CFAP54: variants seen among roughly 807,000 people sequenced by gnomAD.
CFAP54 encodes cilia and flagella associated protein 54.
CFAP54 carries 290 observed loss-of-function variants against 370.4 expected under a neutral mutation model. The observed-to-expected ratio is 0.78, with a 90% CI of 0.71 to 0.86. The LOEUF is 0.86. Among genes scored for constraint, CFAP54 ranks in the 40% least tolerant of loss-of-function variants. The probability of loss-of-function intolerance (pLI) is 0.00; values close to 1 mark genes in which losing one functional copy is unlikely to be tolerated. For synonymous variants in CFAP54, 1,206 were observed against 1,236.5 expected, an observed-to-expected ratio of 0.98 and a Z score of 0.52; for missense variants, 3,399 against 3,528.7, an observed-to-expected ratio of 0.96 and a Z score of 0.93.
chr12:96,732,299 T>G (rs1399663927), intron 50 of CFAP54, among the ~76,000 whole-genome samples: 1 of 152,060 alleles, frequency 6.6e-6, no homozygotes, highest in Non-Finnish European at 1.5e-5. Context: ...TACTGGCTAA[T>G]TTTTGTATTT....
At chr12:96,855,264 A>C (rs540961415) in intron 66 of CFAP54, among the ~76,000 whole-genome samples, 8 of 152,292 alleles carry the variant, frequency 5.3e-5, no homozygotes, top group African/African-American at 1.9e-4. Context: ...GGGTGGGGAC[A>C]CAGCCAAACC....
chr12:96,541,932 C>T (rs1013521370), intron 14 of CFAP54, among the ~76,000 whole-genome samples: 1 of 152,046 alleles, frequency 6.6e-6, no homozygotes, highest in Non-Finnish European at 1.5e-5. Context: ...TGTCTCAACC[C>T]CTTTCTCTTC....
chr12:96,523,175 T>C (rs1955339708), intron 8 of CFAP54, among the ~76,000 whole-genome samples: 1 of 152,150 alleles, frequency 6.6e-6, no homozygotes. Context: ...AGGTGAGCAG[T>C]TTCTTACAGA....
At chr12:96,775,859 G>A (rs568806157) in intron 60 of CFAP54, among the ~76,000 whole-genome samples, 154 of 152,156 alleles carry the variant, frequency 1.0e-3, no homozygotes, top group African/African-American at 3.6e-3. Flanking sequence ...ACATTTTCCT[G>A]CTACACATTT....
rs548946915 is a variant in CFAP54, at chr12:96,699,515, T to A, written c.6352-456T>A. 2.6e-5 allele frequency among the ~76,000 whole-genome samples: 4 copies of A among 152,298 alleles called. No homozygotes were observed. The East Asian group carries it at 7.7e-4, about 29-fold the overall frequency. On this transcript the variant is annotated intron_variant, in intron 45 of 67. Transcript: ENST00000524981. Reference sequence around the variant, plus strand: ...AAAGTTAAAAATAAAAGAAAATTAGTAGTTGTCTCTATGTTGATACATTGT... The same window carrying A: ...AAAGTTAAAAATAAAAGAAAATTAGAAGTTGTCTCTATGTTGATACATTGT...
Position 96,500,879 on chromosome 12 carries a change from G to T in CFAP54, c.363G>T (p.Leu121=), listed in dbSNP as rs1955018082. ...FNIWTKYAPR[L]PADYYNEKLL... ...TCTGGACTAAATACGCCCCCAGGCTGCCAGCAGACTATTACAACGAAAAGC... is the reference window on the plus strand; with the variant it reads ...TCTGGACTAAATACGCCCCCAGGCTTCCAGCAGACTATTACAACGAAAAGC... Residue 121 remains leucine, a synonymous_variant, in exon 2 of 68, where the codon CTG becomes CTT. Transcript: ENST00000524981. 1.3e-6 allele frequency: 2 copies of T among 1,535,634 alleles called. No individual in the cohort carries two copies. Among genetic ancestry groups the T allele is most frequent in the Non-Finnish European group, 1.7e-6 (2 of 1,146,694 alleles).
intron 3 of CFAP54, among the ~76,000 whole-genome samples, chr12:96,506,061 C>T (rs193104596): frequency 3.3e-5 from 5 of 152,150 alleles, no homozygotes; most frequent in East Asian, 3.9e-4. Flanking sequence ...CAATTCTGGC[C>T]GGGCGCGGTG....
chr12:96,724,629 T>C (rs1957806474), intron 50 of CFAP54, among the ~76,000 whole-genome samples: 1 of 152,162 alleles, frequency 6.6e-6, no homozygotes. Flanking sequence ...GTAGGTTGCC[T>C]GTTCACTCTG....
intron 63 of CFAP54, among the ~76,000 whole-genome samples, chr12:96,800,627 A>C (rs889878703): frequency 3.3e-5 from 5 of 152,222 alleles, no homozygotes; most frequent in African/African-American, 1.2e-4. Flanking sequence ...TGTTTGATTT[A>C]AATATGGGTG....
At chr12:96,737,647 A>T (rs1476413720) in intron 50 of CFAP54, among the ~76,000 whole-genome samples, 4 of 151,720 alleles carry the variant, frequency 2.6e-5, no homozygotes, top group Non-Finnish European at 5.9e-5. Flanking sequence ...CTGCCACTCT[A>T]CCCAGCTAAT....
intron 26 of CFAP54, among the ~76,000 whole-genome samples, chr12:96,614,760 A>G (rs1956397454): frequency 6.6e-6 from 1 of 152,248 alleles, no homozygotes; most frequent in Admixed American, 6.5e-5. Flanking sequence ...CCCATTCACA[A>G]TTGCTTCAAA....
intron 58 of CFAP54, among the ~76,000 whole-genome samples, chr12:96,758,204 G>C (rs571730748): frequency 1.2e-3 from 179 of 152,254 alleles, no homozygotes; most frequent in Non-Finnish European, 2.1e-3. Context: ...GGAAAGGTGG[G>C]AGGAAATGAG....
intron 25 of CFAP54, among the ~76,000 whole-genome samples, chr12:96,595,361 A>T (rs1592870379): frequency 6.6e-6 from 1 of 152,102 alleles, no homozygotes; most frequent in African/African-American, 2.4e-5. Context: ...CACCAGGGGG[A>T]AGAATCTTGG....
At chr12:96,567,321 C>T (rs1955873427) in intron 19 of CFAP54, among the ~76,000 whole-genome samples, 1 of 152,092 alleles carries the variant, frequency 6.6e-6, no homozygotes, top group Non-Finnish European at 1.5e-5. Context: ...AAGATGTGTT[C>T]ATAAGAAGTA....
intron 4 of CFAP54, among the ~76,000 whole-genome samples, chr12:96,511,424 T>G (rs1272158239): frequency 1.3e-5 from 2 of 152,204 alleles, no homozygotes; most frequent in South Asian, 2.1e-4. Flanking sequence ...GCTTAGGCAA[T>G]TCTCCTGCCT....
chr12:96,873,002 T>A (rs941679188), intron 67 of CFAP54, among the ~76,000 whole-genome samples: 1 of 152,050 alleles, frequency 6.6e-6, no homozygotes, highest in African/African-American at 2.4e-5. Context: ...TGACAGAAGG[T>A]TGTACAGTGG....
intron 62 of CFAP54, among the ~76,000 whole-genome samples, chr12:96,787,273 G>A (rs1362117991): frequency 6.6e-6 from 1 of 152,112 alleles, no homozygotes; most frequent in African/African-American, 2.4e-5. Flanking sequence ...CTGTACTTTG[G>A]TTTTAAATGT....
At chr12:96,570,315 CTTT>C (rs111559723) in intron 19 of CFAP54, among the ~76,000 whole-genome samples, 5 of 142,954 alleles carry the variant, frequency 3.5e-5, no homozygotes, top group African/African-American at 2.6e-5. Context: ...TTTTTCTTTT[CTTT>C]TTTTTTTTTT....
At chr12:96,574,912 T>A (rs1955960294) in intron 19 of CFAP54, among the ~76,000 whole-genome samples, 1 of 152,152 alleles carries the variant, frequency 6.6e-6, no homozygotes, top group Admixed American at 6.6e-5. Context: ...TGTTTCTCTC[T>A]GTATTTGGAA....
Sources: allele counts gnomAD v4.1 joint callset (sites outside exome capture counted in the v4.1 genomes callset), GRCh38; gene constraint gnomAD v4.1.1; transcripts MANE v1.5; gene names NCBI Gene and HGNC (gene_info 2026-07-23, HGNC 2026-07-21).